EEA1: variants seen among roughly 807,000 people sequenced by gnomAD.
EEA1 encodes the protein early endosome antigen 1.
EEA1 carries 111 observed loss-of-function variants against 209.2 expected under a neutral mutation model. The observed-to-expected ratio is 0.53, with a 90% CI of 0.45 to 0.62. The LOEUF is 0.62. EEA1 is among the 20% of genes least tolerant of loss of function. EEA1 has a pLI of 0.00. For missense variants in EEA1, 1,343 were observed against 1,530.8 expected (o/e 0.88, Z 2.05); for synonymous variants, 536 against 540.6 (o/e 0.99, Z 0.12).
chr12:92,904,071 T>C (rs544511619), intron 1 of EEA1, among the ~76,000 whole-genome samples: 22 of 152,142 alleles, frequency 1.4e-4, no homozygotes, highest in Admixed American at 1.2e-3. Context: ...CAAGCGATTC[T>C]CCTGCCTCAG....
chr12:92,910,578 A>T (rs1301336244), intron 1 of EEA1, among the ~76,000 whole-genome samples: 1 of 152,180 alleles, frequency 6.6e-6, no homozygotes, highest in Non-Finnish European at 1.5e-5. Flanking sequence ...TTTGTCCATT[A>T]TTTTTTTAGG....
At chr12:92,923,321 C>G (rs1881083754) in intron 1 of EEA1, among the ~76,000 whole-genome samples, 1 of 152,112 alleles carries the variant, frequency 6.6e-6, no homozygotes, top group South Asian at 2.1e-4. Flanking sequence ...GCACTCCAGC[C>G]TGGGCGACAG....
chr12:92,880,391 A>AGGAG (rs1401811906), intron 2 of EEA1, among the ~76,000 whole-genome samples: 1 of 152,100 alleles, frequency 6.6e-6, no homozygotes. Flanking sequence ...CGCAGCCTCC[A>AGGAG]CCTCACAGGA....
intron 1 of EEA1, among the ~76,000 whole-genome samples, chr12:92,908,006 TA>T (rs1321905557): frequency 2.6e-5 from 4 of 152,084 alleles, no homozygotes; most frequent in African/African-American, 9.7e-5. Flanking sequence ...CTAAATGAAC[TA>T]AAACAGATAT....
At chr12:92,897,926 C>T (rs1005585973) in intron 1 of EEA1, among the ~76,000 whole-genome samples, 5 of 152,332 alleles carry the variant, frequency 3.3e-5, no homozygotes, top group Non-Finnish European at 4.4e-5. Flanking sequence ...CTATTGCACA[C>T]TTAATAGACT....
intron 10 of EEA1, among the ~76,000 whole-genome samples, chr12:92,834,371 C>CT (rs1491064963): frequency 2.0e-4 from 30 of 151,938 alleles, no homozygotes; most frequent in Non-Finnish European, 2.9e-5. Context: ...TAGCAAGACT[C>CT]TATCTCTACC....
intron 2 of EEA1, among the ~76,000 whole-genome samples, chr12:92,866,212 A>G (rs908846719): frequency 6.6e-6 from 1 of 151,364 alleles, no homozygotes; most frequent in Admixed American, 6.6e-5. Context: ...AAAAAAAAAA[A>G]AAAGAATATT....
At chr12:92,848,382 G>A (rs1877468051) in intron 9 of EEA1, among the ~76,000 whole-genome samples, 1 of 152,002 alleles carries the variant, frequency 6.6e-6, no homozygotes, top group South Asian at 2.1e-4. Flanking sequence ...AACACTTTGG[G>A]AAACTAAGGC....
chr12:92,857,731 T>C (rs748915624), intron 3 of EEA1, among the ~76,000 whole-genome samples: 3 of 152,186 alleles, frequency 2.0e-5, no homozygotes, highest in Admixed American at 6.5e-5. Flanking sequence ...TAACTGACTG[T>C]TAAGTGCCCA....
chr12:92,790,228 C>T (rs927231306), intron 21 of EEA1, among the ~76,000 whole-genome samples: 5 of 152,272 alleles, frequency 3.3e-5, no homozygotes, highest in Admixed American at 1.3e-4. Context: ...CTCTTCTCCT[C>T]CAAAAGATCA....
chr12:92,903,954 T>C (rs1215235936), intron 1 of EEA1, among the ~76,000 whole-genome samples: 1 of 152,026 alleles, frequency 6.6e-6, no homozygotes, highest in African/African-American at 2.4e-5. Context: ...TATTACTTTT[T>C]AAAGTTTTCT....
rs890947186 is a variant in EEA1 at position 92,873,379 on chromosome 12, A to C, written c.118-8392T>G. Among the ~76,000 whole-genome samples, 3 of 152,202 alleles carry C rather than the reference A, an allele frequency of 2.0e-5. No individual in the cohort carries two copies. In the South Asian group the frequency reaches 6.2e-4, roughly 31 times the overall value. On this transcript the variant is annotated intron_variant, in intron 2 of 28. Coordinates refer to ENST00000322349, the MANE Select transcript of EEA1 (RefSeq NM_003566.4). ...AGGCCAAGGAAATGAAGTAATGAGA[A>C]TATGAAGAAGAAAGTTTGTGAAAGG...
At chr12:92,815,400 C>T (rs1380017028) in intron 15 of EEA1, among the ~76,000 whole-genome samples, 1 of 152,120 alleles carries the variant, frequency 6.6e-6, no homozygotes, top group African/African-American at 2.4e-5. Flanking sequence ...ATTTGACATC[C>T]ACATAACAGG....
chr12:92,894,823 A>G (rs1449769827), intron 1 of EEA1, among the ~76,000 whole-genome samples: 1 of 140,326 alleles, frequency 7.1e-6, no homozygotes, highest in Non-Finnish European at 1.6e-5. Context: ...GAAGATATCT[A>G]TATTAAGTAA....
At chr12:92,815,700 C>T (rs1189342845) in intron 15 of EEA1, among the ~76,000 whole-genome samples, 2 of 151,684 alleles carry the variant, frequency 1.3e-5, no homozygotes, top group Admixed American at 1.3e-4. Flanking sequence ...AATACGGCAC[C>T]ATGTAAGGGA....
At chr12:92,909,138 C>T (rs1298112122) in intron 1 of EEA1, among the ~76,000 whole-genome samples, 1 of 152,150 alleles carries the variant, frequency 6.6e-6, no homozygotes, top group Non-Finnish European at 1.5e-5. Context: ...TCTTATCATT[C>T]AAAAGCTTAA....
At chr12:92,907,140 G>C (rs1473815506) in intron 1 of EEA1, among the ~76,000 whole-genome samples, 1 of 152,082 alleles carries the variant, frequency 6.6e-6, no homozygotes, top group Non-Finnish European at 1.5e-5. Context: ...GGGTTCCCAG[G>C]GAGTTTTCAT....
At chr12:92,851,704 T>C (rs1367170686) in intron 8 of EEA1, among the ~76,000 whole-genome samples, 1 of 152,100 alleles carries the variant, frequency 6.6e-6, no homozygotes, top group African/African-American at 2.4e-5. Flanking sequence ...GGAAAGAAAG[T>C]CAAGGACAGA....
In EEA1 at chr12:92,828,054, C is replaced by T. The variant is rs749355399; in HGVS notation, c.1262G>A (p.Ser421Asn). The T allele has an allele frequency of 7.7e-6, 12 of 1,552,360 alleles. No homozygotes were observed. In the South Asian group the frequency reaches 1.5e-4, roughly 20 times the overall value. The change falls in exon 12 of 29, where the codon AGC (serine) becomes AAC (asparagine). Residue 421 changes from serine (S) to asparagine (N), a missense_variant. Around this residue, in one of 3 missense-constraint regions of EEA1, gnomAD observed 1,307 missense variants for 1,465.5 expected, o/e 0.89. Coordinates refer to ENST00000322349, the MANE Select transcript of EEA1 (RefSeq NM_003566.4). ...TTGGCGCTCTGTCTCCAGAAGTTTG[C>T]TATGTAACTTTAAAAAAAGAAAAAA... ...QLQSEINQLHSKLLETERQLG... is the reference protein window; with the variant it reads ...QLQSEINQLHNKLLETERQLG...
Sources: gnomAD v4.1 joint callset for allele counts (sites outside exome capture counted in the v4.1 genomes callset) on GRCh38, gnomAD v4.1.1 for gene constraint, gnomAD v4.1.1 regional missense constraint, MANE v1.5 for transcripts, NCBI Gene and HGNC (gene_info 2026-07-23, HGNC 2026-07-21) for gene names.